RADIL: variants seen among roughly 807,000 people sequenced by gnomAD.
RADIL encodes the protein Rap associating with DIL domain.
A neutral mutation model predicts 97.6 loss-of-function variants in RADIL; 99 were observed. The observed-to-expected ratio is 1.01, with a 90% CI of 0.86 to 1.20. The LOEUF is 1.20. RADIL is among the 50% of genes most tolerant of loss of function. RADIL has a pLI of 0.00. For missense variants in RADIL, 1,765 were observed against 1,498.9 expected (o/e 1.18, Z -2.93); for synonymous variants, 803 against 691.8 (o/e 1.16, Z -2.52).
rs376638891 is a variant in RADIL, at chr7:4,813,749, C to T, written c.2139+1529G>A. On this transcript the variant is annotated intron_variant, in intron 9 of 14. Coordinates refer to ENST00000399583, the MANE Select transcript of RADIL (RefSeq NM_018059.5). The surrounding 1 kb of genome is among the most constrained non-coding windows in gnomAD (Gnocchi z 5.0). Reference sequence around the variant, plus strand: ...CAACAGATGACTTTGTGTTTCTTTCCGGCTGTGCGGGCTGTCCTCAGTGGA... The same window carrying T: ...CAACAGATGACTTTGTGTTTCTTTCTGGCTGTGCGGGCTGTCCTCAGTGGA... 2.6e-5 allele frequency among the ~76,000 whole-genome samples: 4 copies of T among 152,208 alleles called. No individual in the cohort carries two copies. The highest frequency in any genetic ancestry group is 1.9e-4 in the East Asian group (1 of 5,198).
At chr7:4,850,225 A>AAAAAC (rs1328503212) in intron 2 of RADIL, among the ~76,000 whole-genome samples, 1 of 150,226 alleles carries the variant, frequency 6.7e-6, no homozygotes, top group East Asian at 1.9e-4. Context: ...TTAAAAAAAA[A>AAAAAC]AAAAAAAAAA....
Position 4,815,172 on chromosome 7 carries a change from G to C in RADIL, c.2139+106C>G, listed in dbSNP as rs1782644973. The C allele has an allele frequency of 7.4e-7, 1 of 1,350,870 alleles. No homozygotes were observed. Among genetic ancestry groups the C allele is most frequent in the East Asian group, 2.6e-5 (1 of 38,332 alleles). The allele number at this position is 1,350,870 out of a possible 1,614,324, so 83.7% of individuals were successfully genotyped here. A position where few individuals can be genotyped will look rare whatever the true frequency, so the allele number is the denominator to read the frequency against. Reference sequence around the variant, plus strand: ...ACCTACGGTAGCTTTGAGGTTTCCAGCCAAGAAGCCCCGTCCCGGCCCCCA... The same window carrying C: ...ACCTACGGTAGCTTTGAGGTTTCCACCCAAGAAGCCCCGTCCCGGCCCCCA... On this transcript the variant is annotated intron_variant, in intron 9 of 14. Coordinates refer to ENST00000399583, the MANE Select transcript of RADIL (RefSeq NM_018059.5). The surrounding 1 kb of genome is among the most constrained non-coding windows in gnomAD (Gnocchi z 8.0).
Position 4,822,251 on chromosome 7 carries a change from T to G in RADIL, c.1615+143A>C. 1 of 1,102,422 alleles carries G rather than the reference T, an allele frequency of 9.1e-7. No homozygotes were observed. The highest frequency in any genetic ancestry group is 1.7e-5 in the South Asian group (1 of 60,188). The allele number at this position is 1,102,422 out of a possible 1,614,324, so 68.3% of individuals were successfully genotyped here. A position where few individuals can be genotyped will look rare whatever the true frequency, so the allele number is the denominator to read the frequency against. On this transcript the variant is annotated intron_variant, in intron 6 of 14. Transcript: ENST00000399583. The surrounding 1 kb of genome is among the most constrained non-coding windows in gnomAD (Gnocchi z 5.3). The stretch of plus-strand genomic sequence containing the variant: ...AGGCCGTCCCCGAGCAACTGACACA[T>G]GGCAGCCTAGGGACTGAGGAAGCCC...
At position 4,824,394 on chromosome 7, in the gene RADIL, AC is replaced by A. The variant is rs1782918149; in HGVS notation, c.1455-1841del. 6.6e-6 allele frequency among the ~76,000 whole-genome samples: 1 copy of A among 152,192 alleles called. No homozygotes were observed. The highest frequency in any genetic ancestry group is 2.4e-5 in the African/African-American group (1 of 41,458). On this transcript the variant is annotated intron_variant, in intron 5 of 14. Coordinates refer to ENST00000399583, the MANE Select transcript of RADIL (RefSeq NM_018059.5). The surrounding 1 kb of genome is among the most constrained non-coding windows in gnomAD (Gnocchi z 6.7). ...GGGTCCTTTGAAAGGTGCCAAGCCCACAGGAAATGCCACCAGGACCTTAAGG... is the reference window on the plus strand; with the variant it reads ...GGGTCCTTTGAAAGGTGCCAAGCCCAAGGAAATGCCACCAGGACCTTAAGG...
rs533032336 is a variant in RADIL at position 4,842,279 on chromosome 7, G to T, written c.536-5674C>A. ...TCTCACAGCAGAGGCCGTAAGGAAA[G>T]GAGGGCTGAGCTCCATGTCCCTGAA... is the stretch of plus-strand genomic sequence containing the variant. On this transcript the variant is annotated intron_variant, in intron 2 of 14. Transcript: ENST00000399583. This position sits in a 1 kb window ranked among gnomAD's most constrained non-coding sequence, Gnocchi z 4.5. Among the ~76,000 whole-genome samples the T allele has an allele frequency of 6.6e-6, 1 of 152,256 alleles. No individual in the cohort carries two copies. The highest frequency in any genetic ancestry group is 2.1e-4 in the South Asian group (1 of 4,830).
chr7:4,834,456 C>T lies in RADIL; in HGVS notation c.1416+151G>A, dbSNP rs1014210668. ...GGTGGCCTGTGGGGCTGGGGGGCAG[C>T]GACAGGCAGGGAAAGGCCGCCCTGC... On this transcript the variant is annotated intron_variant, in intron 4 of 14. Transcript: ENST00000399583. The surrounding 1 kb of genome is among the most constrained non-coding windows in gnomAD (Gnocchi z 6.0). 150 of 933,560 alleles carry T rather than the reference C, an allele frequency of 1.6e-4. 1 individual carries two copies. The highest frequency in any genetic ancestry group is 3.8e-4 in the Middle Eastern group (1 of 2,666). 57.8% of individuals were successfully genotyped at this position (933,560 alleles called of 1,614,324 possible). A position where few individuals can be genotyped will look rare whatever the true frequency, so the allele number is the denominator to read the frequency against.
chr7:4,847,739 CAAAAAAAA>C (rs56177809), intron 2 of RADIL, among the ~76,000 whole-genome samples: 6 of 23,794 alleles, frequency 2.5e-4, no homozygotes, highest in East Asian at 3.4e-3. Context: ...AAGCTAGATG[CAAAAAAAA>C]AAAAAAAAAA....
At chr7:4,866,342 C>A (rs1302270502) in intron 2 of RADIL, among the ~76,000 whole-genome samples, 2 of 152,138 alleles carry the variant, frequency 1.3e-5, no homozygotes, top group African/African-American at 4.8e-5. Context: ...TCCATGAAAT[C>A]ATTTATTTAT....
At position 4,835,601 on chromosome 7, in the gene RADIL, ACTG is replaced by A. The variant is rs1456377319; in HGVS notation, c.784-365_784-363del. Among the ~76,000 whole-genome samples, 5 of 152,100 alleles carry A rather than the reference ACTG, an allele frequency of 3.3e-5. No homozygotes were observed. The highest frequency in any genetic ancestry group is 1.2e-4 in the African/African-American group (5 of 41,414). On this transcript the variant is annotated intron_variant, in intron 3 of 14. Coordinates refer to ENST00000399583, the MANE Select transcript of RADIL (RefSeq NM_018059.5). The surrounding 1 kb of genome is among the most constrained non-coding windows in gnomAD (Gnocchi z 5.8). ...GTCATCCCCAAAACTGTGTGGGAGC[ACTG>A]CCGCCTGTGTGGGAGCACCACCCCC...
intron 2 of RADIL, chr7:4,859,393 A>G (rs919072014): frequency 3.9e-5 from 6 of 155,386 alleles, no homozygotes; most frequent in African/African-American, 1.2e-4. Flanking sequence ...AGTCACGGGT[A>G]CAAACATAGC....
In RADIL at chr7:4,877,830, G is replaced by C. The variant is rs1784406166; in HGVS notation, c.310C>G (p.Pro104Ala). 3.7e-6 allele frequency: 6 copies of C among 1,607,944 alleles called. No individual in the cohort carries two copies. In the African/African-American group the frequency reaches 5.3e-5, roughly 14 times the overall value. The part of the protein sequence containing the change: ...KEALERYALD[P>A]RQAGQYVLCD... ...AGCACGTACTGGCCGGCCTGCCTGG[G>C]GTCCAGGGCGTACCGCTCCAGCGCC... The change falls in exon 2 of 15, where the codon CCC (proline) becomes GCC (alanine). Residue 104 changes from proline to alanine, a missense_variant. Physicochemically the swap from Pro to Ala is conservative, Grantham distance 27. Coordinates refer to ENST00000399583, the MANE Select transcript of RADIL (RefSeq NM_018059.5).
In RADIL at chr7:4,847,161, A is replaced by G. The variant is rs189793059; in HGVS notation, c.536-10556T>C. Reference sequence around the variant, plus strand: ...GATGGTAAAACCCCGTCTCTACTAAAGATACAAAAATTCCCTGGGTGTGGT... The same window carrying G: ...GATGGTAAAACCCCGTCTCTACTAAGGATACAAAAATTCCCTGGGTGTGGT... On this transcript the variant is annotated intron_variant, in intron 2 of 14. Coordinates refer to ENST00000399583, the MANE Select transcript of RADIL (RefSeq NM_018059.5). 6.6e-5 allele frequency among the ~76,000 whole-genome samples: 10 copies of G among 152,216 alleles called. No individual in the cohort carries two copies. The East Asian group carries it at 1.9e-3, about 30-fold the overall frequency.
At chr7:4,847,738 GCAA>G (rs1238264990) in intron 2 of RADIL, among the ~76,000 whole-genome samples, 1 of 5,772 alleles carries the variant, frequency 1.7e-4, no homozygotes, top group African/African-American at 9.0e-4. Context: ...AAAGCTAGAT[GCAA>G]AAAAAAAAAA....
Position 4,837,838 on chromosome 7 carries a change from G to T in RADIL, c.536-1233C>A. The stretch of plus-strand genomic sequence containing the variant: ...GATGAAAACCGCTCACCAGTCCCCA[G>T]CTGACCCGGCGCTGTCTTTTCTGAG... On this transcript the variant is annotated intron_variant, in intron 2 of 14. Coordinates refer to ENST00000399583, the MANE Select transcript of RADIL (RefSeq NM_018059.5). The surrounding 1 kb of genome is among the most constrained non-coding windows in gnomAD (Gnocchi z 5.6). 1 of 985,430 alleles carries T rather than the reference G, an allele frequency of 1.0e-6. No individual in the cohort carries two copies. Among genetic ancestry groups the T allele is most frequent in the African/African-American group, 1.7e-5 (1 of 57,374 alleles). 61.0% of individuals were successfully genotyped at this position (985,430 alleles called of 1,614,324 possible).
At chr7:4,833,864 G>A (rs1213811616) in intron 4 of RADIL, among the ~76,000 whole-genome samples, 3 of 152,124 alleles carry the variant, frequency 2.0e-5, no homozygotes, top group Non-Finnish European at 4.4e-5. Context: ...GCTCACTGGC[G>A]GCCACACTGG....
At chr7:4,802,712 C>G (rs1320036332) in intron 11 of RADIL, among the ~76,000 whole-genome samples, 2 of 116,786 alleles carry the variant, frequency 1.7e-5, no homozygotes, top group African/African-American at 3.4e-5. Flanking sequence ...GGGTCCCCTC[C>G]CCAGGCACCT....
At position 4,865,369 on chromosome 7, in the gene RADIL, T is replaced by G. The variant is rs185887215; in HGVS notation, c.535+12236A>C. 864 of 596,942 alleles carry G rather than the reference T, an allele frequency of 1.4e-3. 6 individuals are homozygous for G. The highest frequency in any genetic ancestry group is 9.0e-3 in the South Asian group (442 of 48,972). The allele number at this position is 596,942 out of a possible 1,614,324, so 37.0% of individuals were successfully genotyped here. ...CTGTTTCTTTTCTGTGTGGTTTTTT[T>G]TTGTTGTTGTTCCCAAGTTTTATTC... On this transcript the variant is annotated intron_variant, in intron 2 of 14. Transcript: ENST00000399583.
chr7:4,845,065 C>T (rs1038136182), intron 2 of RADIL, among the ~76,000 whole-genome samples: 1 of 151,096 alleles, frequency 6.6e-6, no homozygotes, highest in African/African-American at 2.4e-5. Context: ...AAGAAAGAAG[C>T]GAGAGGTGTC....
rs1784154986 is a variant in RADIL, at chr7:4,867,435, T to A, written c.535+10170A>T. On this transcript the variant is annotated intron_variant, in intron 2 of 14. Transcript: ENST00000399583. The surrounding 1 kb of genome is among the most constrained non-coding windows in gnomAD (Gnocchi z 4.1). ...AGTATAGGCATATAATGGAAAACTA[T>A]GAATCAGTCAAAAGCAATGAGCTGA... Among the ~76,000 whole-genome samples, 1 of 152,240 alleles carries A rather than the reference T, an allele frequency of 6.6e-6. No homozygotes were observed. Among genetic ancestry groups the A allele is most frequent in the African/African-American group, 2.4e-5 (1 of 41,552 alleles).
Sources: allele counts gnomAD v4.1 joint callset (sites outside exome capture counted in the v4.1 genomes callset), GRCh38; gene constraint gnomAD v4.1.1; non-coding constraint Gnocchi (gnomAD v3.1); transcripts MANE v1.5; gene names NCBI Gene and HGNC (gene_info 2026-07-23, HGNC 2026-07-21).